Variants in CENPC observed in about 807,000 individuals in gnomAD.
The protein encoded by CENPC is CENP-C 1.
In CENPC, 63 loss-of-function variants were observed where a neutral mutation model predicts 112.1. That is an observed-to-expected ratio of 0.56 (90% CI 0.46 to 0.69). CENPC has a LOEUF of 0.69. Among genes scored for constraint, CENPC ranks in the 30% least tolerant of loss-of-function variants. The probability of loss-of-function intolerance (pLI) is 0.00; values close to 1 mark genes in which losing one functional copy is unlikely to be tolerated. For missense variants in CENPC, 1,000 were observed against 1,103.8 expected (o/e 0.91, Z 1.33); for synonymous variants, 333 against 367.6 (o/e 0.91, Z 1.08).
intron 17 of CENPC, among the ~76,000 whole-genome samples, chr4:67,482,213 A>G (rs1341863066): frequency 6.6e-6 from 1 of 152,218 alleles, no homozygotes; most frequent in Non-Finnish European, 1.5e-5. Flanking sequence ...CGAAACCACA[A>G]TGAGATACCA....
At position 67,525,084 on chromosome 4, in the gene CENPC, C is replaced by A. The variant is rs539746587; in HGVS notation, c.332-5582G>T. ...AAAAACAAGCAATGAGGAAAGGATTCTCTGTTTAACAAATGGTGCTGGGAA... is the reference window on the plus strand; with the variant it reads ...AAAAACAAGCAATGAGGAAAGGATTATCTGTTTAACAAATGGTGCTGGGAA... On this transcript the variant is annotated intron_variant, in intron 5 of 18. Coordinates refer to ENST00000273853, the MANE Select transcript of CENPC (RefSeq NM_001812.4). 5.3e-5 allele frequency among the ~76,000 whole-genome samples: 8 copies of A among 152,306 alleles called. No homozygotes were observed. The South Asian group carries it at 1.5e-3, about 28-fold the overall frequency.
At chr4:67,500,450 A>G (rs1454701427) in intron 12 of CENPC, among the ~76,000 whole-genome samples, 2 of 152,196 alleles carry the variant, frequency 1.3e-5, no homozygotes, top group Non-Finnish European at 2.9e-5. Context: ...CAAGTGCCCA[A>G]ATCTTGGTTT....
At position 67,500,959 on chromosome 4, in the gene CENPC, G is replaced by A. The variant is rs145603733; in HGVS notation, c.2131+4246C>T. On this transcript the variant is annotated intron_variant, in intron 12 of 18. Transcript: ENST00000273853. ...ATTTATCAATTATAAGAGAAAAGCA[G>A]TGTCTTTACAGTAGAGAAACCTGGC... 2.6e-4 allele frequency among the ~76,000 whole-genome samples: 40 copies of A among 152,236 alleles called. No individual in the cohort carries two copies. The East Asian group carries it at 7.5e-3, about 29-fold the overall frequency.
At chr4:67,486,954 G>GT (rs1725109044) in intron 17 of CENPC, among the ~76,000 whole-genome samples, 1 of 119,066 alleles carries the variant, frequency 8.4e-6, no homozygotes, top group South Asian at 2.8e-4. Flanking sequence ...TTCAGGTTTT[G>GT]TATTTGCTTT....
At position 67,531,017 on chromosome 4, in the gene CENPC, C is replaced by T. The variant is rs988671177; in HGVS notation, c.232-103G>A. 1.5e-5 allele frequency: 8 copies of T among 535,600 alleles called. No individual in the cohort carries two copies. In the Admixed American group the frequency reaches 2.8e-4, roughly 19 times the overall value. 33.2% of individuals were successfully genotyped at this position (535,600 alleles called of 1,614,324 possible). On this transcript the variant is annotated intron_variant, in intron 4 of 18. Coordinates refer to ENST00000273853, the MANE Select transcript of CENPC (RefSeq NM_001812.4). ...GGGGGGAAAAACAAGTATTCTAAAACAACAAACCAGCTGTTAAGAGTTTTA... is the reference window on the plus strand; with the variant it reads ...GGGGGGAAAAACAAGTATTCTAAAATAACAAACCAGCTGTTAAGAGTTTTA...
At chr4:67,512,681 T>C (rs1725930213) in intron 8 of CENPC, 112 bp from the exon 9 acceptor site, 1 of 710,894 alleles carries the variant, frequency 1.4e-6, no homozygotes. Context: ...ATTTATCCTG[T>C]GGCCTTTTCA....
intron 4 of CENPC, among the ~76,000 whole-genome samples, chr4:67,535,095 T>C (rs1426738291): frequency 6.6e-6 from 1 of 152,016 alleles, no homozygotes; most frequent in African/African-American, 2.4e-5. Flanking sequence ...AAAGCAACAT[T>C]TGTAAGTCTA....
intron 4 of CENPC, among the ~76,000 whole-genome samples, chr4:67,535,218 A>C (rs973585099): frequency 5.9e-5 from 9 of 152,116 alleles, no homozygotes; most frequent in Non-Finnish European, 1.0e-4. Context: ...CAAATTACCC[A>C]TCATGAAGGT....
rs1725927229 is a variant in CENPC, at chr4:67,512,586, C to A, written c.1445-17G>T. The A allele has an allele frequency of 6.8e-7, 1 of 1,477,066 alleles. No homozygotes were observed. The highest frequency in any genetic ancestry group is 1.4e-5 in the South Asian group (1 of 70,634). The allele number at this position is 1,477,066 out of a possible 1,614,324, so 91.5% of individuals were successfully genotyped here. A position where few individuals can be genotyped will look rare whatever the true frequency, so the allele number is the denominator to read the frequency against. Reference sequence around the variant, plus strand: ...TCTTGCTTCCTAAAATAAAGAAAACCATAAAACCAATTCACAATCTACTAA... The same window carrying A: ...TCTTGCTTCCTAAAATAAAGAAAACAATAAAACCAATTCACAATCTACTAA... On this transcript the variant is annotated splice_polypyrimidine_tract_variant and intron_variant, in intron 8 of 18. Transcript: ENST00000273853.
chr4:67,537,302 G>C (rs1390337109), intron 4 of CENPC, among the ~76,000 whole-genome samples: 2 of 152,114 alleles, frequency 1.3e-5, no homozygotes, highest in African/African-American at 4.8e-5. Flanking sequence ...GGTAGTAGTT[G>C]TAAAAATTCA....
In CENPC at chr4:67,519,062, A is replaced by G. The variant is rs1577996290; in HGVS notation, c.617+155T>C. Reference sequence around the variant, plus strand: ...CACTTTAAGCCCTTCCTTAATTATTACAAACTGAATATATGCTAAATGTAT... The same window carrying G: ...CACTTTAAGCCCTTCCTTAATTATTGCAAACTGAATATATGCTAAATGTAT... On this transcript the variant is annotated intron_variant, in intron 6 of 18. Transcript: ENST00000273853. 2.0e-5 allele frequency among the ~76,000 whole-genome samples: 3 copies of G among 152,218 alleles called. No individual in the cohort carries two copies. In the South Asian group the frequency reaches 6.2e-4, roughly 31 times the overall value.
intron 17 of CENPC, among the ~76,000 whole-genome samples, chr4:67,486,974 T>G (rs1725111944): frequency 6.6e-6 from 1 of 150,464 alleles, no homozygotes; most frequent in Non-Finnish European, 1.5e-5. Context: ...TTAGGTTTTT[T>G]TTTTTTTTTT....
rs930355130 is a variant in CENPC at position 67,512,438 on chromosome 4, G to T, written c.1576C>A (p.Arg526Ser). The T allele has an allele frequency of 3.8e-6, 6 of 1,599,644 alleles. No individual in the cohort carries two copies. Among genetic ancestry groups the T allele is most frequent in the Non-Finnish European group, 5.1e-6 (6 of 1,173,570 alleles). Residue 526 changes from arginine (R) to serine (S), a missense_variant, in exon 9 of 19, where the codon CGT becomes AGT. Transcript: ENST00000273853. Reference sequence around the variant, plus strand: ...TTTACCACCCACCAATCAGATGGACGCCTGGAAATTCTTCGACTTTTCGTG... The same window carrying T: ...TTTACCACCCACCAATCAGATGGACTCCTGGAAATTCTTCGACTTTTCGTG... ...TVTKSRRISR[R>S]PSDWWVVKSE...
At chr4:67,511,305 C>A (rs1173001198) in intron 9 of CENPC, among the ~76,000 whole-genome samples, 2 of 152,120 alleles carry the variant, frequency 1.3e-5, no homozygotes, top group African/African-American at 2.4e-5. Context: ...AGCAATAAGG[C>A]CTCACATATA....
intron 12 of CENPC, among the ~76,000 whole-genome samples, chr4:67,496,658 G>GAA (rs1182548295): frequency 1.3e-5 from 2 of 152,118 alleles, no homozygotes; most frequent in African/African-American, 4.8e-5. Context: ...TTCCCTGTCA[G>GAA]AAACAGGCAA....
intron 12 of CENPC, among the ~76,000 whole-genome samples, chr4:67,499,833 A>G (rs1430264554): frequency 6.6e-6 from 1 of 152,152 alleles, no homozygotes; most frequent in Non-Finnish European, 1.5e-5. Flanking sequence ...TTTTGATTTA[A>G]AGTGAAAAAT....
In CENPC at chr4:67,474,924, T is replaced by C. The variant is rs1336704803; in HGVS notation, c.2725A>G (p.Ile909Val). 4 of 1,583,000 alleles carry C rather than the reference T, an allele frequency of 2.5e-6. No individual in the cohort carries two copies. The African/African-American group carries it at 4.0e-5, about 16-fold the overall frequency. ...TAGAACGAATCCCCAGTACTTAATA[T>C]ATAAGGTGTTTCATGTAAAGTACAC... Reference protein sequence around the residue: ...LLCTLHETPYILSTGDSFYVP... With the variant: ...LLCTLHETPYVLSTGDSFYVP... Residue 909 changes from isoleucine to valine, a missense_variant, in exon 18 of 19, where the codon ATA (isoleucine) becomes GTA (valine). By Grantham distance (29) the Ile-to-Val change is conservative (BLOSUM62 3). Coordinates refer to ENST00000273853, the MANE Select transcript of CENPC (RefSeq NM_001812.4).
In CENPC at chr4:67,539,865, G is replaced by T; in HGVS notation, c.206C>A (p.Thr69Asn). The change falls in exon 4 of 19, where the codon ACT (threonine) becomes AAT (asparagine). Residue 69 changes from threonine (T) to asparagine (N), a missense_variant. Thr to Asn is a moderately conservative substitution (Grantham distance 65). Transcript: ENST00000273853. ...CTCTTTGCTTGGTGACTGAATACAA[G>T]TGTCTTTTATTTTGCGTGTTGAATT... ...VPNSTRKIKD[T>N]CIQSPSKECQ... The T allele has an allele frequency of 6.5e-7, 1 of 1,532,840 alleles. No homozygotes were observed. Among genetic ancestry groups the T allele is most frequent in the Admixed American group, 2.2e-5 (1 of 45,492 alleles). 95.0% of individuals were successfully genotyped at this position (1,532,840 alleles called of 1,614,324 possible).
intron 10 of CENPC, among the ~76,000 whole-genome samples, chr4:67,507,857 A>G (rs888231039): frequency 1.3e-5 from 2 of 152,130 alleles, no homozygotes; most frequent in African/African-American, 4.8e-5. Context: ...AATAAAATAA[A>G]AGAGAGAGAA....
Sources: allele counts gnomAD v4.1 joint callset (sites outside exome capture counted in the v4.1 genomes callset), GRCh38; gene constraint gnomAD v4.1.1; transcripts MANE v1.5; gene names NCBI Gene and HGNC (gene_info 2026-07-23, HGNC 2026-07-21).